DZANK1: variants seen among roughly 807,000 people sequenced by gnomAD.
DZANK1 encodes double zinc ribbon and ankyrin repeat-containing protein 1.
Under a neutral mutation model 94.5 loss-of-function variants are expected in DZANK1, and 91 were observed. The ratio of observed to expected loss-of-function variants is 0.96; its 90% CI spans 0.81 to 1.15. DZANK1 has a LOEUF of 1.15. DZANK1 is among the 50% of genes most tolerant of loss of function. The pLI is 0.00. For missense variants in DZANK1, 903 were observed against 916.4 expected, an observed-to-expected ratio of 0.99 and a Z score of 0.19; for synonymous variants, 312 against 325.3, an observed-to-expected ratio of 0.96 and a Z score of 0.44.
chr20:18,431,631 A>C (rs1408197307), intron 9 of DZANK1, among the ~76,000 whole-genome samples: 2 of 152,202 alleles, frequency 1.3e-5, no homozygotes. Context: ...ATTGTCTGGC[A>C]TAAAAAGTCA....
At chr20:18,408,907 C>A (rs1455949690) in intron 13 of DZANK1, among the ~76,000 whole-genome samples, 1 of 152,084 alleles carries the variant, frequency 6.6e-6, no homozygotes, top group African/African-American at 2.4e-5. Context: ...CTTCTCTTGA[C>A]TTAAATAAAA....
intron 20 of DZANK1, 128 bp downstream of exon 20, chr20:18,384,888 G>C: frequency 1.1e-6 from 1 of 894,908 alleles, no homozygotes; most frequent in South Asian, 1.7e-5. Context: ...CGGAAGCCAT[G>C]GTGGGATGGT....
intron 13 of DZANK1, among the ~76,000 whole-genome samples, chr20:18,404,390 T>A (rs1171439559): frequency 1.3e-5 from 2 of 152,104 alleles, no homozygotes; most frequent in African/African-American, 4.8e-5. Flanking sequence ...CAAACCACCA[T>A]CATCCTGTGG....
intron 13 of DZANK1, among the ~76,000 whole-genome samples, chr20:18,404,202 G>C (rs11699716): frequency 0.12 from 17,979 of 151,926 alleles, 1,641 homozygotes; most frequent in East Asian, 0.53. Flanking sequence ...CTTCTAGTGC[G>C]GCCCAGGGAA....
Position 18,413,141 on chromosome 20 carries a change from T to C in DZANK1, c.1243-306A>G. On this transcript the variant is annotated intron_variant, in intron 12 of 20. Coordinates refer to ENST00000262547, the Ensembl canonical transcript of DZANK1. ...ATATCTATCCTTTTCAGCTCTGTAA[T>C]CCAATAGAGCATAGACTTCACTACT... is the stretch of plus-strand genomic sequence containing the variant. The C allele has an allele frequency of 6.5e-6, 3 of 464,952 alleles. No homozygotes were observed. In the South Asian group the frequency reaches 8.7e-5, roughly 14 times the overall value. 28.8% of individuals were successfully genotyped at this position (464,952 alleles called of 1,614,324 possible).
intron 8 of DZANK1, 42 bp from the exon 9 acceptor site, chr20:18,433,807 T>C: frequency 6.5e-7 from 1 of 1,529,954 alleles, no homozygotes; most frequent in Non-Finnish European, 9.1e-7. Flanking sequence ...ACATAAAAAC[T>C]GAAGGTATGA....
chr20:18,448,478 TTACA>T (rs555198101), intron 7 of DZANK1, among the ~76,000 whole-genome samples: 17 of 152,224 alleles, frequency 1.1e-4, no homozygotes, highest in Admixed American at 3.9e-4. Flanking sequence ...AGTGTCATGG[TTACA>T]TACATACATA....
intron 10 of DZANK1, among the ~76,000 whole-genome samples, chr20:18,425,442 T>G (rs1471655415): frequency 1.3e-5 from 2 of 151,650 alleles, no homozygotes; most frequent in Admixed American, 1.3e-4. Context: ...TCCCAGCTAC[T>G]CAGGAGGCTG....
At chr20:18,393,896 A>T in intron 16 of DZANK1, 85 bp from the exon 17 acceptor site, 1 of 941,290 alleles carries the variant, frequency 1.1e-6, no homozygotes, top group East Asian at 2.4e-5. Flanking sequence ...CACGTCCCTC[A>T]AAAGTCAGAG....
intron 11 of DZANK1, among the ~76,000 whole-genome samples, 172 bp from the exon 12 acceptor site, chr20:18,414,684 C>A (rs536234196): frequency 6.6e-6 from 1 of 152,262 alleles, no homozygotes; most frequent in African/African-American, 2.4e-5. Flanking sequence ...CCAGGTCAAC[C>A]CCTAAAACAC....
chr20:18,390,067 C>G (rs539529863), intron 18 of DZANK1, among the ~76,000 whole-genome samples: 1 of 152,258 alleles, frequency 6.6e-6, no homozygotes, highest in South Asian at 2.1e-4. Context: ...AGGGCAGGCA[C>G]CCTGACAACC....
intron 10 of DZANK1, among the ~76,000 whole-genome samples, chr20:18,419,200 T>G (rs1449391401): frequency 2.0e-5 from 3 of 149,918 alleles, no homozygotes; most frequent in East Asian, 2.0e-4. Flanking sequence ...AGGCGGAGGT[T>G]GCAGTGAGCT....
intron 17 of DZANK1, among the ~76,000 whole-genome samples, chr20:18,392,785 G>GAAACCAAACC (rs11473123): frequency 5.0e-4 from 75 of 151,248 alleles, no homozygotes; most frequent in East Asian, 1.2e-3. Flanking sequence ...ATCTGACAGG[G>GAAACCAAACC]AAACCAAACC....
intron 10 of DZANK1, among the ~76,000 whole-genome samples, chr20:18,425,878 G>A (rs978298905): frequency 1.3e-5 from 2 of 152,224 alleles, no homozygotes; most frequent in Non-Finnish European, 2.9e-5. Flanking sequence ...GCTACCAGAA[G>A]CTGGGAGAGA....
At chr20:18,409,280 A>G (rs753695972) in intron 13 of DZANK1, among the ~76,000 whole-genome samples, 1 of 152,222 alleles carries the variant, frequency 6.6e-6, no homozygotes, top group Non-Finnish European at 1.5e-5. Flanking sequence ...TGACAAGAAG[A>G]GAATCTTGAA....
rs1278907909 is a variant in DZANK1 at position 18,463,133 on chromosome 20, G to A, written c.109+2117C>T. On this transcript the variant is annotated intron_variant, in intron 2 of 20. Transcript: ENST00000262547. ...CCTAGGTGCCCACCAATGGTGAAAT[G>A]GACAAAGAAAATGTGGTACATACAC... 3.3e-5 allele frequency among the ~76,000 whole-genome samples: 5 copies of A among 151,968 alleles called. No individual in the cohort carries two copies. In the East Asian group the frequency reaches 9.6e-4, roughly 29 times the overall value.
chr20:18,455,400 C>T (rs1451165057), intron 3 of DZANK1, 39 bp from the exon 4 acceptor site: 11 of 1,441,360 alleles, frequency 7.6e-6, no homozygotes, highest in African/African-American at 1.4e-5. Context: ...GTCTGTGTTA[C>T]ACAAAGATTT....
intron 2 of DZANK1, among the ~76,000 whole-genome samples, chr20:18,461,165 T>C (rs2059459354): frequency 6.6e-6 from 1 of 152,196 alleles, no homozygotes; most frequent in South Asian, 2.1e-4. Flanking sequence ...TTATCAATGG[T>C]ATCTTCAGTA....
intron 10 of DZANK1, among the ~76,000 whole-genome samples, chr20:18,418,080 T>C (rs573404924): frequency 5.6e-4 from 85 of 151,774 alleles, no homozygotes; most frequent in African/African-American, 2.0e-3. Flanking sequence ...AGCATGACTC[T>C]GTCTCAAAAA....
Sources: gnomAD v4.1 joint callset for allele counts (sites outside exome capture counted in the v4.1 genomes callset) on GRCh38, gnomAD v4.1.1 for gene constraint, MANE v1.5 for transcripts, NCBI Gene and HGNC (gene_info 2026-07-23, HGNC 2026-07-21) for gene names.